Variants in TRIM55 observed in about 807,000 individuals in gnomAD.
TRIM55 encodes the protein tripartite motif-containing protein 55.
Under a neutral mutation model 60.9 loss-of-function variants are expected in TRIM55, and 50 were observed. The observed-to-expected ratio is 0.82, with a 90% CI of 0.65 to 1.04. The LOEUF (loss-of-function observed/expected upper bound fraction) is 1.04. Ranked by LOEUF, TRIM55 falls within the 50% of genes least tolerant of loss-of-function variation. The pLI is 0.00. For synonymous variants in TRIM55, 237 were observed against 238.1 expected (o/e 1.00, Z 0.04); for missense variants, 681 against 666.9 (o/e 1.02, Z -0.23).
intron 7 of TRIM55, among the ~76,000 whole-genome samples, chr8:66,151,090 A>G (rs1035457307): frequency 6.6e-6 from 1 of 152,234 alleles, no homozygotes; most frequent in Non-Finnish European, 1.5e-5. Flanking sequence ...GTAAAGTGTC[A>G]GCAGGAGCAA....
chr8:66,118,479 A>G, the TRIM55 span, among the ~76,000 whole-genome samples: 196 of 152,308 alleles, frequency 1.3e-3, 2 homozygotes, highest in Non-Finnish European at 3.2e-4. Context: ...ATTGCCAGGT[A>G]GACAGCTAAA....
the TRIM55 span, chr8:66,114,750 T>C: frequency 8.5e-5 from 34 of 399,068 alleles, 1 homozygote; most frequent in Admixed American, 4.9e-4. Flanking sequence ...CCGAGGTGGA[T>C]AGGACAAGGC....
intron 9 of TRIM55, among the ~76,000 whole-genome samples, chr8:66,171,538 T>C (rs941540294): frequency 1.3e-5 from 2 of 152,216 alleles, no homozygotes; most frequent in Non-Finnish European, 2.9e-5. Context: ...TACCTTTTTA[T>C]ACATATCAGA....
intron 4 of TRIM55, among the ~76,000 whole-genome samples, chr8:66,137,518 G>A (rs1809549669): frequency 6.6e-6 from 1 of 152,206 alleles, no homozygotes; most frequent in Non-Finnish European, 1.5e-5. Flanking sequence ...CTTTCCTGGT[G>A]GAAATCCAAA....
At position 66,127,157 on chromosome 8, in the gene TRIM55, A is replaced by G. The variant is rs1206437852; in HGVS notation, c.-112A>G. 5 of 1,194,040 alleles carry G rather than the reference A, an allele frequency of 4.2e-6. No homozygotes were observed. The highest frequency in any genetic ancestry group is 5.8e-6 in the Non-Finnish European group (5 of 861,132). 74.0% of individuals were successfully genotyped at this position (1,194,040 alleles called of 1,614,324 possible). On this transcript the variant is annotated 5_prime_UTR_variant, in exon 1 of 10. Coordinates refer to ENST00000315962, the MANE Select transcript of TRIM55 (RefSeq NM_184085.2). The stretch of plus-strand genomic sequence containing the variant: ...GCCTGAAACAATGTCCTCCACCGAG[A>G]GAAACGTAAAGGACACTTGATCACA...
chr8:66,116,469 C>T, the TRIM55 span, among the ~76,000 whole-genome samples: 12 of 151,554 alleles, frequency 7.9e-5, no homozygotes, highest in Non-Finnish European at 1.5e-4. Flanking sequence ...TAGCTGCGTG[C>T]GGTGGCGTGT....
At chr8:66,116,300 G>T in the TRIM55 span, among the ~76,000 whole-genome samples, 860 of 152,146 alleles carry the variant, frequency 5.7e-3, 40 homozygotes, top group Admixed American at 0.052. Flanking sequence ...ACAAGCATAA[G>T]TTATTTATAG....
At chr8:66,123,974 C>T (rs78136590), upstream of TRIM55, among the ~76,000 whole-genome samples, 1 of 152,030 alleles carries the variant, frequency 6.6e-6, no homozygotes, top group Non-Finnish European at 1.5e-5. Context: ...GGTGAAGTCA[C>T]TTTCCAAGAC....
chr8:66,149,915 A>T (rs1335833603), intron 5 of TRIM55, 37 bp downstream of exon 5: 1 of 1,506,118 alleles, frequency 6.6e-7, no homozygotes, highest in Non-Finnish European at 9.2e-7. Flanking sequence ...ACAACCCAAA[A>T]GGTGGGTGTT....
At chr8:66,142,544 C>T (rs1223975381) in intron 4 of TRIM55, among the ~76,000 whole-genome samples, 1 of 152,206 alleles carries the variant, frequency 6.6e-6, no homozygotes, top group Non-Finnish European at 1.5e-5. Flanking sequence ...GCCCTCAGCC[C>T]TTATAGCGTC....
chr8:66,143,256 G>GT (rs955338021), intron 4 of TRIM55, among the ~76,000 whole-genome samples: 3 of 152,116 alleles, frequency 2.0e-5, no homozygotes, highest in Non-Finnish European at 2.9e-5. Context: ...GTTGCTTTAG[G>GT]TTTTTTTCCT....
upstream of TRIM55, among the ~76,000 whole-genome samples, chr8:66,122,676 TA>T (rs1192918367): frequency 6.6e-6 from 1 of 152,148 alleles, no homozygotes; most frequent in Non-Finnish European, 1.5e-5. Context: ...CATTCCAAAG[TA>T]AACCTAAAAA....
At chr8:66,157,050 T>A (rs1321364760) in intron 9 of TRIM55, among the ~76,000 whole-genome samples, 1 of 152,036 alleles carries the variant, frequency 6.6e-6, no homozygotes, top group Non-Finnish European at 1.5e-5. Flanking sequence ...GTCTGAAGGG[T>A]TCTGTTTACA....
At chr8:66,172,227 A>G (rs1422924091) in intron 9 of TRIM55, among the ~76,000 whole-genome samples, 2 of 152,234 alleles carry the variant, frequency 1.3e-5, no homozygotes, top group Non-Finnish European at 2.9e-5. Context: ...ACTAAGGCTC[A>G]GAGAGTTAAC....
chr8:66,144,308 T>C (rs1375147150), intron 4 of TRIM55, among the ~76,000 whole-genome samples: 1 of 152,234 alleles, frequency 6.6e-6, no homozygotes, highest in Non-Finnish European at 1.5e-5. Context: ...GATCTTCACT[T>C]TATAAAATCA....
At chr8:66,136,054 A>G (rs1451270071) in intron 3 of TRIM55, among the ~76,000 whole-genome samples, 1 of 152,250 alleles carries the variant, frequency 6.6e-6, no homozygotes, top group Non-Finnish European at 1.5e-5. Context: ...GGCAACACCA[A>G]TTACAGCTAG....
Position 66,174,313 on chromosome 8 carries a change from GCTTT to G in TRIM55, c.1525-155_1525-152del, listed in dbSNP as rs1345121443. Among the ~76,000 whole-genome samples, 23 of 151,722 alleles carry G rather than the reference GCTTT, an allele frequency of 1.5e-4. 1 individual carries two copies. The South Asian group carries it at 1.7e-3, about 11-fold the overall frequency. Reference sequence around the variant, plus strand: ...GCTGTAGCCAAAATAATCTGAGCTTGCTTTCTATTTCTAATAATTATGTGCCATA... The same window carrying G: ...GCTGTAGCCAAAATAATCTGAGCTTGCTATTTCTAATAATTATGTGCCATA... On this transcript the variant is annotated intron_variant, in intron 9 of 9. Coordinates refer to ENST00000315962, the MANE Select transcript of TRIM55 (RefSeq NM_184085.2).
upstream of TRIM55, among the ~76,000 whole-genome samples, chr8:66,124,602 G>A (rs1393837868): frequency 6.6e-6 from 1 of 152,184 alleles, no homozygotes; most frequent in Non-Finnish European, 1.5e-5. Context: ...ACCCTGAAAT[G>A]CTGTAGCTGT....
chr8:66,169,300 C>T (rs1482220551), intron 9 of TRIM55, among the ~76,000 whole-genome samples: 1 of 152,156 alleles, frequency 6.6e-6, no homozygotes, highest in Non-Finnish European at 1.5e-5. Flanking sequence ...CGCATATCCA[C>T]CAATCTGCAC....
Sources: allele counts gnomAD v4.1 joint callset (sites outside exome capture counted in the v4.1 genomes callset), GRCh38; gene constraint gnomAD v4.1.1; transcripts MANE v1.5; gene names NCBI Gene and HGNC (gene_info 2026-07-23, HGNC 2026-07-21).